The following CACNA2D2 variants were observed in gnomAD, a reference collection of about 807,000 sequenced individuals.
CACNA2D2 encodes voltage-dependent calcium channel subunit alpha-2/delta-2.
In CACNA2D2, 48 loss-of-function variants were observed where a neutral mutation model predicts 166.4. That is an observed-to-expected ratio of 0.29 (90% CI 0.23 to 0.37). CACNA2D2 has a LOEUF of 0.37. CACNA2D2 is among the 10% of genes least tolerant of loss of function. CACNA2D2 has a pLI of 1.00. For missense variants in CACNA2D2, 1,122 were observed against 1,433.0 expected (o/e 0.78, Z 3.50); for synonymous variants, 561 against 573.7 (o/e 0.98, Z 0.32).
intron 1 of CACNA2D2, among the ~76,000 whole-genome samples, chr3:50,480,711 T>C (rs1022363942): frequency 1.4e-5 from 2 of 145,626 alleles, no homozygotes; most frequent in Non-Finnish European, 3.0e-5. Flanking sequence ...GACAGGATCA[T>C]TGAGACCCCA....
chr3:50,480,634 T>C, intron 1 of CACNA2D2, among the ~76,000 whole-genome samples: 1 of 150,752 alleles, frequency 6.6e-6, no homozygotes, highest in East Asian at 2.0e-4. Flanking sequence ...GGGATATCAC[T>C]AACAGGCAAG....
intron 2 of CACNA2D2, among the ~76,000 whole-genome samples, chr3:50,462,890 GA>G (rs112375169): frequency 2.2e-4 from 32 of 144,546 alleles, no homozygotes; most frequent in East Asian, 1.0e-3. Context: ...ATAAGAAAAA[GA>G]AAAAAAAAAG....
Position 50,375,750 on chromosome 3 carries a change from G to T in CACNA2D2, c.1846-45C>A, listed in dbSNP as rs1165287774. ...CAGGTACTTGGGCTAGCAGGCAGGG[G>T]GCGCTGGGGTAGAAGGGTGCCCACC... On this transcript the variant is annotated intron_variant, in intron 20 of 37. Transcript: ENST00000424201. This position sits in a 1 kb window ranked among gnomAD's most constrained non-coding sequence, Gnocchi z 4.0. 6.2e-7 allele frequency: 1 copy of T among 1,612,886 alleles called. No individual in the cohort carries two copies. Among genetic ancestry groups the T allele is most frequent in the Admixed American group, 1.7e-5 (1 of 60,008 alleles).
chr3:50,462,337 G>C (rs1054957780), intron 2 of CACNA2D2, among the ~76,000 whole-genome samples: 1 of 151,260 alleles, frequency 6.6e-6, no homozygotes, highest in Admixed American at 6.6e-5. Context: ...GCAGTGAGCT[G>C]AGATGGTGCC....
intron 3 of CACNA2D2, among the ~76,000 whole-genome samples, chr3:50,423,752 C>T (rs986182128): frequency 4.6e-5 from 7 of 152,262 alleles, no homozygotes; most frequent in Non-Finnish European, 7.3e-5. Context: ...GCCCGACAAC[C>T]GTGCCCAGCC....
Position 50,379,904 on chromosome 3 carries a change from G to A in CACNA2D2, c.893+64C>T, listed in dbSNP as rs1203890468. 8.7e-6 allele frequency: 14 copies of A among 1,612,230 alleles called. No homozygotes were observed. Among genetic ancestry groups the A allele is most frequent in the African/African-American group, 1.3e-5 (1 of 74,896 alleles). On this transcript the variant is annotated intron_variant, in intron 9 of 37. Transcript: ENST00000424201. The surrounding 1 kb of genome is among the most constrained non-coding windows in gnomAD (Gnocchi z 6.5). ...CTGCCCATCCCCCAAGATGTTCAGGGCAGCAGAGTCTAGCCCATTGCCCGT... is the reference window on the plus strand; with the variant it reads ...CTGCCCATCCCCCAAGATGTTCAGGACAGCAGAGTCTAGCCCATTGCCCGT...
At chr3:50,504,069 A>C (rs1699100701), upstream of CACNA2D2, 1 of 152,286 alleles carries the variant, frequency 6.6e-6, no homozygotes. Flanking sequence ...CTGAACTTAC[A>C]GCCCCCGTGG....
chr3:50,498,162 A>G (rs1698800451), intron 1 of CACNA2D2, among the ~76,000 whole-genome samples: 1 of 152,152 alleles, frequency 6.6e-6, no homozygotes, highest in African/African-American at 2.4e-5. Flanking sequence ...CTTACAGGCA[A>G]CATCGCCCTG....
rs1401099104 is a variant in CACNA2D2 at position 50,503,523 on chromosome 3, C to G, written c.-100G>C. On this transcript the variant is annotated 5_prime_UTR_variant, in exon 1 of 38. Coordinates refer to ENST00000424201, the MANE Select transcript of CACNA2D2 (RefSeq NM_006030.4). ...GCGCGGGCGGCGGGCGGTAACTCGGCCTCTCCTCCGCCGCCGCCTTCTCCG... is the reference window on the plus strand; with the variant it reads ...GCGCGGGCGGCGGGCGGTAACTCGGGCTCTCCTCCGCCGCCGCCTTCTCCG... The G allele has an allele frequency of 1.2e-5, 2 of 168,426 alleles. No individual in the cohort carries two copies. The highest frequency in any genetic ancestry group is 2.5e-5 in the Non-Finnish European group (2 of 79,578). The allele number at this position is 168,426 out of a possible 1,614,324, so 10.4% of individuals were successfully genotyped here.
intron 17 of CACNA2D2, among the ~76,000 whole-genome samples, chr3:50,377,033 C>A (rs930899870): frequency 1.3e-5 from 2 of 152,158 alleles, no homozygotes; most frequent in African/African-American, 4.8e-5. Flanking sequence ...TACTATGTGG[C>A]CATGAGCTAA....
chr3:50,468,562 C>A (rs1213299790), intron 2 of CACNA2D2, among the ~76,000 whole-genome samples: 2 of 152,076 alleles, frequency 1.3e-5, no homozygotes, highest in African/African-American at 4.8e-5. Context: ...ATCTTCCAGG[C>A]AGAGCAGTGC....
intron 1 of CACNA2D2, among the ~76,000 whole-genome samples, chr3:50,502,828 C>G (rs1699036941): frequency 6.6e-6 from 1 of 152,232 alleles, no homozygotes; most frequent in Non-Finnish European, 1.5e-5. Flanking sequence ...GGGGCAGATG[C>G]GCGGCTCCAA....
chr3:50,407,061 G>GT (rs749014684), intron 3 of CACNA2D2, among the ~76,000 whole-genome samples: 3 of 151,892 alleles, frequency 2.0e-5, no homozygotes, highest in Non-Finnish European at 4.4e-5. Context: ...CTTGATCTAG[G>GT]TATCTGTGAC....
In CACNA2D2 at chr3:50,367,910, AGGAGG is replaced by A; in HGVS notation, c.2144-13_2144-9del. The A allele has an allele frequency of 3.1e-5, 12 of 391,590 alleles. No individual in the cohort carries two copies. The highest frequency in any genetic ancestry group is 4.1e-5 in the Non-Finnish European group (9 of 219,490). The allele number at this position is 391,590 out of a possible 1,614,324, so 24.3% of individuals were successfully genotyped here. A position where few individuals can be genotyped will look rare whatever the true frequency, so the allele number is the denominator to read the frequency against. On this transcript the variant is annotated splice_polypyrimidine_tract_variant and intron_variant, in intron 24 of 37. Transcript: ENST00000424201. The surrounding 1 kb of genome is among the most constrained non-coding windows in gnomAD (Gnocchi z 6.5). ...GCAGAAGGAAGTTGTTGCCTGGAAC[AGGAGG>A]GGAGGGGTGGGGGTGGGGGCATCTT... is the stretch of plus-strand genomic sequence containing the variant.
intron 1 of CACNA2D2, among the ~76,000 whole-genome samples, chr3:50,489,736 G>A (rs535367343): frequency 1.6e-4 from 24 of 152,332 alleles, no homozygotes; most frequent in Admixed American, 8.5e-4. Context: ...TATCCATGGA[G>A]AAAGATGTGT....
chr3:50,442,855 A>C (rs1559953323), intron 2 of CACNA2D2, among the ~76,000 whole-genome samples: 1 of 152,234 alleles, frequency 6.6e-6, no homozygotes, highest in Non-Finnish European at 1.5e-5. Context: ...GTCCCTGGAC[A>C]GTTCCAGCCT....
chr3:50,487,698 A>T (rs1698349827), intron 1 of CACNA2D2, among the ~76,000 whole-genome samples: 1 of 152,072 alleles, frequency 6.6e-6, no homozygotes, highest in South Asian at 2.1e-4. Flanking sequence ...CCCCAATCCG[A>T]GAGAAGCCAC....
At chr3:50,406,897 G>T (rs575853567) in intron 3 of CACNA2D2, among the ~76,000 whole-genome samples, 3 of 151,970 alleles carry the variant, frequency 2.0e-5, no homozygotes, top group Non-Finnish European at 4.4e-5. Context: ...GTCTGATGAA[G>T]AGACAGAGAC....
intron 1 of CACNA2D2, among the ~76,000 whole-genome samples, chr3:50,494,194 C>T (rs1210400854): frequency 2.6e-5 from 4 of 152,158 alleles, no homozygotes; most frequent in African/African-American, 9.7e-5. Flanking sequence ...TGCAAGGGCC[C>T]TTAGCACAGA....
Sources: gnomAD v4.1 joint callset for allele counts (sites outside exome capture counted in the v4.1 genomes callset) on GRCh38, gnomAD v4.1.1 for gene constraint, Gnocchi (gnomAD v3.1) non-coding constraint, MANE v1.5 for transcripts, NCBI Gene and HGNC (gene_info 2026-07-23, HGNC 2026-07-21) for gene names.